The following F13A1 variants were observed in gnomAD, a reference collection of about 807,000 sequenced individuals.
The protein encoded by F13A1 is FSF, A subunit.
F13A1 carries 47 observed loss-of-function variants against 80.1 expected under a neutral mutation model. The ratio of observed to expected loss-of-function variants is 0.59; its 90% CI spans 0.46 to 0.75. The LOEUF (loss-of-function observed/expected upper bound fraction) is 0.75, where lower values mean the gene tolerates loss of function less well. F13A1 is among the 30% of genes least tolerant of loss of function. The pLI is 0.00. For synonymous variants in F13A1, 349 were observed against 344.9 expected (o/e 1.01, Z -0.13); for missense variants, 817 against 930.4 (o/e 0.88, Z 1.59).
chr6:6,174,431 G>A, intron 12 of F13A1, 149 bp downstream of exon 12: 2 of 841,178 alleles, frequency 2.4e-6, no homozygotes, highest in Admixed American at 2.2e-5. Context: ...GGCTTTTGCA[G>A]AATGAGTGGG....
At chr6:6,281,199 C>T (rs778337973) in intron 3 of F13A1, among the ~76,000 whole-genome samples, 1 of 152,232 alleles carries the variant, frequency 6.6e-6, no homozygotes, top group Non-Finnish European at 1.5e-5. Context: ...TCCATATTTA[C>T]ACTTTGTAGA....
chr6:6,179,773 A>G (rs1760947448), intron 11 of F13A1, among the ~76,000 whole-genome samples: 1 of 152,230 alleles, frequency 6.6e-6, no homozygotes, highest in South Asian at 2.1e-4. Context: ...TAGTTGGACC[A>G]GACCTCCACA....
intron 13 of F13A1, among the ~76,000 whole-genome samples, chr6:6,154,704 A>G (rs900402): frequency 6.6e-6 from 1 of 152,200 alleles, no homozygotes; most frequent in East Asian, 1.9e-4. Flanking sequence ...GTAGCAATAC[A>G]TCAGAATACT....
intron 10 of F13A1, among the ~76,000 whole-genome samples, chr6:6,194,406 C>A (rs1364065738): frequency 6.6e-6 from 1 of 152,214 alleles, no homozygotes; most frequent in Non-Finnish European, 1.5e-5. Context: ...CTGCTTTGCA[C>A]TCCTCCCTTC....
chr6:6,160,388 G>A (rs1213513353), intron 13 of F13A1, among the ~76,000 whole-genome samples: 1 of 152,040 alleles, frequency 6.6e-6, no homozygotes, highest in Non-Finnish European at 1.5e-5. Context: ...CCAGGCTGGA[G>A]TGCAGTGGCG....
chr6:6,278,427 TG>T (rs901695156), intron 3 of F13A1, among the ~76,000 whole-genome samples: 24 of 152,048 alleles, frequency 1.6e-4, no homozygotes, highest in African/African-American at 5.8e-4. Flanking sequence ...AGGGGACAGG[TG>T]TCATCAGTGC....
At chr6:6,201,584 G>C (rs768440308) in intron 8 of F13A1, among the ~76,000 whole-genome samples, 1 of 152,314 alleles carries the variant, frequency 6.6e-6, no homozygotes, top group Non-Finnish European at 1.5e-5. Flanking sequence ...TAAGCCACCC[G>C]TGCCTCAAGA....
intron 3 of F13A1, among the ~76,000 whole-genome samples, chr6:6,304,778 G>A (rs1185557238): frequency 6.7e-6 from 1 of 149,238 alleles, no homozygotes; most frequent in Non-Finnish European, 1.5e-5. Context: ...CACCAGAATC[G>A]CTTGAACCTA....
At chr6:6,308,606 CTTTTTTTTTTT>C (rs770570204) in intron 2 of F13A1, among the ~76,000 whole-genome samples, 1 of 88,850 alleles carries the variant, frequency 1.1e-5, no homozygotes, top group South Asian at 4.5e-4. Context: ...AAAACACATT[CTTTTTTTTTTT>C]TTTTTTTTTT....
In F13A1 at chr6:6,274,312, C is replaced by T. The variant is rs186860087; in HGVS notation, c.320-7503G>A. ...ACTTTTCTTTCAGTGCTTCCTACAT[C>T]ACTTAAAGCCTCTTTTGGAGTAAAT... On this transcript the variant is annotated intron_variant, in intron 3 of 14. Transcript: ENST00000264870. Among the ~76,000 whole-genome samples the T allele has an allele frequency of 2.0e-4, 30 of 152,326 alleles. No individual in the cohort carries two copies. In the East Asian group the frequency reaches 5.6e-3, roughly 28 times the overall value.
At chr6:6,200,052 G>A (rs1761364507) in intron 8 of F13A1, among the ~76,000 whole-genome samples, 1 of 152,206 alleles carries the variant, frequency 6.6e-6, no homozygotes, top group African/African-American at 2.4e-5. Flanking sequence ...TGGTGGTGAT[G>A]GGTGGATGAC....
chr6:6,318,800 C>A (rs552350118), intron 1 of F13A1, 118 bp from the exon 2 acceptor site: 5 of 1,092,778 alleles, frequency 4.6e-6, no homozygotes, highest in Non-Finnish European at 6.7e-6. Context: ...ACTTGAGCAA[C>A]ACATTTTGCC....
At chr6:6,175,929 C>A (rs1333223829) in intron 11 of F13A1, among the ~76,000 whole-genome samples, 22 of 152,232 alleles carry the variant, frequency 1.4e-4, no homozygotes. Flanking sequence ...CAAGTCAGGC[C>A]TCAGAAGGAG....
At chr6:6,247,192 C>T (rs1433311357) in intron 6 of F13A1, among the ~76,000 whole-genome samples, 1 of 152,092 alleles carries the variant, frequency 6.6e-6, no homozygotes, top group Non-Finnish European at 1.5e-5. Flanking sequence ...TAAAAGCCAC[C>T]ATTCTTAAAA....
At chr6:6,289,235 T>A (rs1758186296) in intron 3 of F13A1, among the ~76,000 whole-genome samples, 1 of 152,102 alleles carries the variant, frequency 6.6e-6, no homozygotes, top group African/African-American at 2.4e-5. Context: ...GAGCTCGGGT[T>A]CTGACTGGGC....
At chr6:6,224,930 G>T in intron 6 of F13A1, 70 bp from the exon 7 acceptor site, 1 of 1,548,662 alleles carries the variant, frequency 6.5e-7, no homozygotes, top group Non-Finnish European at 8.9e-7. Flanking sequence ...GCTATGCATG[G>T]CGCAAGCTAT....
chr6:6,258,238 C>T (rs948929617), intron 4 of F13A1, among the ~76,000 whole-genome samples: 1 of 152,114 alleles, frequency 6.6e-6, no homozygotes, highest in African/African-American at 2.4e-5. Context: ...TTGAGAAATG[C>T]ACGTAACATC....
intron 8 of F13A1, among the ~76,000 whole-genome samples, chr6:6,213,421 C>A (rs1286486383): frequency 6.6e-6 from 1 of 151,848 alleles, no homozygotes; most frequent in Non-Finnish European, 1.5e-5. Context: ...TCATATCCAG[C>A]CAAACTAAGC....
intron 2 of F13A1, among the ~76,000 whole-genome samples, chr6:6,317,313 A>G (rs1395139276): frequency 2.6e-5 from 4 of 152,086 alleles, no homozygotes; most frequent in African/African-American, 9.7e-5. Flanking sequence ...GTCCTCTTAA[A>G]CTCAGTTCTG....
Sources: gnomAD v4.1 joint callset for allele counts (sites outside exome capture counted in the v4.1 genomes callset) on GRCh38, gnomAD v4.1.1 for gene constraint, MANE v1.5 for transcripts, NCBI Gene and HGNC (gene_info 2026-07-23, HGNC 2026-07-21) for gene names.